The following CD40LG variants were observed in gnomAD, a reference collection of about 807,000 sequenced individuals.
CD40LG encodes CD40 ligand.
In CD40LG, 1 loss-of-function variant was observed where a neutral mutation model predicts 17.2. That is an observed-to-expected ratio of 0.06 (90% CI 0.02 to 0.28). The LOEUF (loss-of-function observed/expected upper bound fraction) is 0.28, where lower values mean the gene tolerates loss of function less well. Among genes scored for constraint, CD40LG ranks in the 10% least tolerant of loss-of-function variants. The pLI is 1.00. For synonymous variants in CD40LG, 66 were observed against 74.4 expected, an observed-to-expected ratio of 0.89 and a Z score of 0.58; for missense variants, 133 against 193.2, an observed-to-expected ratio of 0.69 and a Z score of 1.85.
At chrX:136,654,853 G>C in intron 3 of CD40LG, among the ~76,000 whole-genome samples, 1 of 111,356 alleles carries the variant, frequency 9.0e-6, no homozygotes, top group East Asian at 2.8e-4. Context: ...CAATGTCACA[G>C]TGTTCTATTA....
intron 3 of CD40LG, among the ~76,000 whole-genome samples, chrX:136,654,995 T>A (rs1314000726): frequency 9.0e-6 from 1 of 111,277 alleles, no homozygotes; most frequent in Non-Finnish European, 1.9e-5. Context: ...CAGCCTCTGA[T>A]CAAACATGTC....
intron 2 of CD40LG, 26 bp downstream of exon 2, chrX:136,650,423 G>A: frequency 8.4e-7 from 1 of 1,190,907 alleles, no homozygotes; most frequent in Non-Finnish European, 1.1e-6. Flanking sequence ...ACTGGTAAAA[G>A]TGTCATTGAA....
chrX:136,656,213 G>A, intron 3 of CD40LG, 143 bp from the exon 4 acceptor site: 1 of 525,538 alleles, frequency 1.9e-6, no homozygotes. Context: ...CCTTCAGTGG[G>A]AGAGATGTCA....
rs748270067 is a variant in CD40LG at position 136,648,938 on chromosome X, G to A, written c.156+534G>A. ...ACATGGATAAGTCCCAGAATTTGCA[G>A]TCTTTTAGTAAAAGTAGCATTTTCT... On this transcript the variant is annotated intron_variant, in intron 1 of 4. Transcript: ENST00000370629. 7.1e-5 allele frequency among the ~76,000 whole-genome samples: 8 copies of A among 112,203 alleles called. No homozygotes were observed. In the Middle Eastern group the frequency reaches 0.014, roughly 193 times the overall value.
At chrX:136,658,675 A>G (rs907961762) in intron 4 of CD40LG, among the ~76,000 whole-genome samples, 11 of 112,148 alleles carry the variant, frequency 9.8e-5, no homozygotes, top group African/African-American at 3.6e-4. Context: ...TATGATGTCA[A>G]ATTTTGAAAT....
At chrX:136,652,262 G>T (rs1199760118) in intron 2 of CD40LG, among the ~76,000 whole-genome samples, 3 of 110,822 alleles carry the variant, frequency 2.7e-5, no homozygotes, top group Non-Finnish European at 5.7e-5. Flanking sequence ...AAGTCCTCCA[G>T]CTACCCAATC....
At position 136,648,398 on chromosome X, in the gene CD40LG, G is replaced by A; in HGVS notation, c.150G>A (p.Leu50=). ...TTGCTGTGTATCTTCATAGAAGGTT[G>A]GACAAGGTAAGATGAACCACAAGCC... The part of the protein sequence containing the change: ...ALFAVYLHRR[L]DKIEDERNLH... Residue 50 remains leucine, a synonymous_variant, in exon 1 of 5, where the codon TTG becomes TTA. Transcript: ENST00000370629. 8.3e-7 allele frequency: 1 copy of A among 1,209,618 alleles called. No individual in the cohort carries two copies. Among genetic ancestry groups the A allele is most frequent in the Non-Finnish European group, 1.1e-6 (1 of 893,495 alleles).
chrX:136,652,630 G>A (rs993953992), intron 2 of CD40LG, among the ~76,000 whole-genome samples: 8 of 111,462 alleles, frequency 7.2e-5, no homozygotes, highest in Non-Finnish European at 1.1e-4. Context: ...CTGGAGGCAG[G>A]TAGCACTAAT....
rs758665124 is a variant in CD40LG, at chrX:136,657,597, T to C, written c.409+1179T>C. On this transcript the variant is annotated intron_variant, in intron 4 of 4. Coordinates refer to ENST00000370629, the MANE Select transcript of CD40LG (RefSeq NM_000074.3). ...AAAAGGGTGACATAAAGCCCCTCAC[T>C]AATACCAGTTAGTTACACAATATTT... is the stretch of plus-strand genomic sequence containing the variant. 5.4e-5 allele frequency among the ~76,000 whole-genome samples: 6 copies of C among 111,943 alleles called. No individual in the cohort carries two copies. In the South Asian group the frequency reaches 1.9e-3, roughly 35 times the overall value.
rs2076129931 is a variant in CD40LG, at chrX:136,659,920, A to ACCCCCCACCC, written c.*511_*512insACCCCCCCCC. The ACCCCCCACCC allele has an allele frequency of 5.4e-5, 1 of 18,644 alleles. No individual in the cohort carries two copies. Among genetic ancestry groups the ACCCCCCACCC allele is most frequent in the African/African-American group, 9.5e-5 (1 of 10,500 alleles). The allele number at this position is 18,644 out of a possible 1,213,427, so 1.5% of individuals were successfully genotyped here. On this transcript the variant is annotated 3_prime_UTR_variant, in exon 5 of 5. Transcript: ENST00000370629. Reference sequence around the variant, plus strand: ...ACGTCTAACACAGTGGAGAACCGAAACCCCCCCCCCCCCCCCGCCACCCTC... The same window carrying ACCCCCCACCC: ...ACGTCTAACACAGTGGAGAACCGAAACCCCCCACCCCCCCCCCCCCCCCCCCGCCACCCTC...
At position 136,659,376 on chromosome X, in the gene CD40LG, T is replaced by C. The variant is rs1421450112; in HGVS notation, c.747T>C (p.His249=). 5 of 1,209,285 alleles carry C rather than the reference T, an allele frequency of 4.1e-6. No individual in the cohort carries two copies. The African/African-American group carries it at 7.0e-5, about 17-fold the overall frequency. Residue 249 remains histidine, a synonymous_variant, in exon 5 of 5, where the codon CAT becomes CAC. Transcript: ENST00000370629. ...VNVTDPSQVS[H]GTGFTSFGLL... ...TGACTGATCCAAGCCAAGTGAGCCA[T>C]GGCACTGGCTTCACGTCCTTTGGCT...
intron 2 of CD40LG, among the ~76,000 whole-genome samples, chrX:136,653,287 G>C (rs1316567481): frequency 8.9e-6 from 1 of 112,255 alleles, no homozygotes; most frequent in Non-Finnish European, 1.9e-5. Flanking sequence ...TATGAACTAC[G>C]CCCTTAAATC....
At chrX:136,654,815 C>T (rs758118498) in intron 3 of CD40LG, among the ~76,000 whole-genome samples, 4 of 111,308 alleles carry the variant, frequency 3.6e-5, no homozygotes, top group African/African-American at 9.8e-5. Context: ...GCACAGTGGC[C>T]GGTGGAGCCT....
chrX:136,650,201 C>T, intron 1 of CD40LG, 65 bp from the exon 2 acceptor site: 2 of 806,473 alleles, frequency 2.5e-6, no homozygotes, highest in Non-Finnish European at 1.9e-6. Context: ...AATGTAGAGG[C>T]AGATATCATT....
rs1322288983 is a variant in CD40LG, at chrX:136,659,469, C to T, written c.*54C>T. 1.1e-5 allele frequency: 13 copies of T among 1,162,449 alleles called. No homozygotes were observed. The highest frequency in any genetic ancestry group is 1.5e-5 in the Non-Finnish European group (13 of 859,264). On this transcript the variant is annotated 3_prime_UTR_variant, in exon 5 of 5. Coordinates refer to ENST00000370629, the MANE Select transcript of CD40LG (RefSeq NM_000074.3). ...GCTGACGCTGGGAGTCTTCATAATA[C>T]AGCACAGCGGTTAAGCCCACCCCCT...
rs2076129920 is a variant in CD40LG, at chrX:136,659,920, A to ACCCCACCC, written c.*509_*510insACCCCCCC. ...ACGTCTAACACAGTGGAGAACCGAA[A>ACCCCACCC]CCCCCCCCCCCCCCCCGCCACCCTC... On this transcript the variant is annotated 3_prime_UTR_variant, in exon 5 of 5. Transcript: ENST00000370629. 1 of 18,644 alleles carries ACCCCACCC rather than the reference A, an allele frequency of 5.4e-5. No homozygotes were observed. The highest frequency in any genetic ancestry group is 1.7e-4 in the Non-Finnish European group (1 of 5,739). 1.5% of individuals were successfully genotyped at this position (18,644 alleles called of 1,213,427 possible).
intron 1 of CD40LG, among the ~76,000 whole-genome samples, chrX:136,649,538 C>T (rs1461291304): frequency 2.7e-5 from 3 of 112,234 alleles, no homozygotes; most frequent in African/African-American, 6.5e-5. Context: ...CCTCAGTGGA[C>T]TGATATTTAC....
Position 136,659,094 on chromosome X carries a change from G to A in CD40LG, c.465G>A (p.Leu155=), listed in dbSNP as rs1240386893. The change falls in exon 5 of 5, where the codon CTG becomes CTA. Residue 155 remains leucine, a synonymous_variant. Transcript: ENST00000370629. ...CCATGAGCAACAACTTGGTAACCCTGGAAAATGGGAAACAGCTGACCGTTA... is the reference window on the plus strand; with the variant it reads ...CCATGAGCAACAACTTGGTAACCCTAGAAAATGGGAAACAGCTGACCGTTA... ...YYTMSNNLVT[L]ENGKQLTVKR... 8.3e-7 allele frequency: 1 copy of A among 1,206,621 alleles called. No individual in the cohort carries two copies. Among genetic ancestry groups the A allele is most frequent in the African/African-American group, 1.8e-5 (1 of 57,075 alleles).
At chrX:136,656,667 A>C (rs765872954) in intron 4 of CD40LG, among the ~76,000 whole-genome samples, 1 of 112,027 alleles carries the variant, frequency 8.9e-6, no homozygotes, top group African/African-American at 3.2e-5. Context: ...GCTGATTCTA[A>C]ATGATGAATT....
Sources: allele counts gnomAD v4.1 joint callset (sites outside exome capture counted in the v4.1 genomes callset), GRCh38; gene constraint gnomAD v4.1.1; transcripts MANE v1.5; gene names NCBI Gene and HGNC (gene_info 2026-07-23, HGNC 2026-07-21).